Variants in MYH4 observed in about 807,000 individuals in gnomAD.
MYH4 encodes the protein myosin-4.
A neutral mutation model predicts 229.9 loss-of-function variants in MYH4; 200 were observed. The ratio of observed to expected loss-of-function variants is 0.87; its 90% CI spans 0.78 to 0.98. MYH4 has a LOEUF of 0.98. Among genes scored for constraint, MYH4 ranks in the 50% least tolerant of loss-of-function variants. The pLI is 0.00. For synonymous variants in MYH4, 761 were observed against 834.6 expected, an observed-to-expected ratio of 0.91 and a Z score of 1.52; for missense variants, 2,148 against 2,332.6, an observed-to-expected ratio of 0.92 and a Z score of 1.63.
chr17:10,445,250 T>G lies in MYH4; in HGVS notation c.5282A>C (p.Lys1761Thr). ...EARNAEEKAK[K>T]AITDAAMMAE... ...CATCTTGCTTACATCAGTGATGGCC[T>G]TCTTGGCCTTCTCCTCTGCATTGCG... is the stretch of plus-strand genomic sequence containing the variant. The change falls in exon 36 of 40, where the codon AAG becomes ACG. Residue 1761 changes from lysine to threonine, a missense_variant. By Grantham distance (78) the Lys-to-Thr change is moderately conservative (BLOSUM62 -1). Transcript: ENST00000255381. The G allele has an allele frequency of 5.6e-6, 9 of 1,614,198 alleles. No individual in the cohort carries two copies. The highest frequency in any genetic ancestry group is 6.8e-6 in the Non-Finnish European group (8 of 1,180,034).
Position 10,457,500 on chromosome 17 carries a change from T to C in MYH4, c.1817A>G (p.Glu606Gly). The change falls in exon 16 of 40, where the codon GAG (glutamate) becomes GGG (glycine). Residue 606 changes from glutamate to glycine, a missense_variant. Physicochemically the swap from Glu to Gly is moderately conservative, Grantham distance 98 (BLOSUM62 -2). Coordinates refer to ENST00000255381, the MANE Select transcript of MYH4 (RefSeq NM_017533.2). ...WLDKNKDPLN[E>G]TVVGLYQKSA... Reference sequence around the variant, plus strand: ...CTTCTGGTACAGCCCCACCACAGTCTCATTCAGGGGGTCCTTGTTTTTGTC... The same window carrying C: ...CTTCTGGTACAGCCCCACCACAGTCCCATTCAGGGGGTCCTTGTTTTTGTC... The C allele has an allele frequency of 6.2e-6, 10 of 1,614,216 alleles. No homozygotes were observed. The highest frequency in any genetic ancestry group is 7.6e-6 in the Non-Finnish European group (9 of 1,180,036).
At chr17:10,466,173 A>G in intron 4 of MYH4, 100 bp downstream of exon 4, 1 of 1,372,902 alleles carries the variant, frequency 7.3e-7, no homozygotes, top group African/African-American at 1.4e-5. Context: ...GTCATAAAAG[A>G]ACAGTTCAAT....
chr17:10,463,782 G>T (rs577145381), intron 7 of MYH4, 139 bp from the exon 8 acceptor site: 50 of 654,784 alleles, frequency 7.6e-5, no homozygotes, highest in Admixed American at 1.3e-4. Flanking sequence ...TAAAAAGAAG[G>T]TAAATCGGGA....
At position 10,448,973 on chromosome 17, in the gene MYH4, T is replaced by G. The variant is rs1161129176; in HGVS notation, c.4256A>C (p.Glu1419Ala). ...EAVNSKCASL[E>A]KTKQRLQNEV... is the part of the protein sequence containing the mutation. Reference sequence around the variant, plus strand: ...ATTCTGTAGCCTCTGCTTTGTCTTTTCAAGAGAAGCACATTTGGAATTCAC... The same window carrying G: ...ATTCTGTAGCCTCTGCTTTGTCTTTGCAAGAGAAGCACATTTGGAATTCAC... Residue 1419 changes from glutamate to alanine, a missense_variant, in exon 31 of 40, where the codon GAA (glutamate) becomes GCA (alanine). By Grantham distance (107) the Glu-to-Ala change is moderately radical. Transcript: ENST00000255381. 27 of 1,614,142 alleles carry G rather than the reference T, an allele frequency of 1.7e-5. No homozygotes were observed. Among genetic ancestry groups the G allele is most frequent in the Non-Finnish European group, 2.3e-5 (27 of 1,180,002 alleles).
rs888337418 is a variant in MYH4 at position 10,455,218 on chromosome 17, C to A, written c.2252G>T (p.Gly751Val). The change falls in exon 20 of 40, where the codon GGG becomes GTG. Residue 751 changes from glycine to valine, a missense_variant. By Grantham distance (109) the Gly-to-Val change is moderately radical. Transcript: ENST00000255381. ...DSKKASEKLL[G>V]SIEIDHTQYK... ...CTGGGTGTGGTCAATTTCAATAGAC[C>A]CTAGAAGTTTCTCAGAAGCCTTCTT... 1 of 1,613,904 alleles carries A rather than the reference C, an allele frequency of 6.2e-7. No individual in the cohort carries two copies.
intron 29 of MYH4, 38 bp downstream of exon 29, chr17:10,450,739 G>T: frequency 6.2e-7 from 1 of 1,609,656 alleles, no homozygotes; most frequent in Non-Finnish European, 8.5e-7. Context: ...ATGTTGCACG[G>T]TTCAAGTGAT....
In MYH4 at chr17:10,455,870, C is replaced by T. The variant is rs569210501; in HGVS notation, c.2000G>A (p.Arg667Lys). Reference sequence around the variant, plus strand: ...CCGCACAAAGTGGGGGTGAGTGCTCCTCAAGTTGGTCATCAGCTTATTCAA... The same window carrying T: ...CCGCACAAAGTGGGGGTGAGTGCTCTTCAAGTTGGTCATCAGCTTATTCAA... Reference protein sequence around the residue: ...ENLNKLMTNLRSTHPHFVRCI... With the variant: ...ENLNKLMTNLKSTHPHFVRCI... The change falls in exon 18 of 40, where the codon AGG (arginine) becomes AAG (lysine). Residue 667 changes from arginine (R) to lysine (K), a missense_variant. Coordinates refer to ENST00000255381, the MANE Select transcript of MYH4 (RefSeq NM_017533.2). 10 of 1,614,164 alleles carry T rather than the reference C, an allele frequency of 6.2e-6. No homozygotes were observed. In the African/African-American group the frequency reaches 1.1e-4, roughly 17 times the overall value.
chr17:10,467,443 G>A (rs2072779142), intron 2 of MYH4, among the ~76,000 whole-genome samples: 1 of 152,104 alleles, frequency 6.6e-6, no homozygotes, highest in African/African-American at 2.4e-5. Context: ...ATATAATTTT[G>A]CCCTAAGTTA....
chr17:10,464,396 T>C, intron 7 of MYH4, 76 bp downstream of exon 7: 1 of 1,227,128 alleles, frequency 8.1e-7, no homozygotes, highest in Non-Finnish European at 1.2e-6. Context: ...ATTTTCTGTA[T>C]ACAGTCTACT....
At chr17:10,466,235 G>T (rs774614934) in intron 4 of MYH4, 38 bp downstream of exon 4, 1 of 1,608,798 alleles carries the variant, frequency 6.2e-7, no homozygotes, top group South Asian at 1.1e-5. Context: ...TGTGTAGAAT[G>T]TGGAGTGAGT....
At position 10,450,497 on chromosome 17, in the gene MYH4, G is replaced by T. The variant is rs375911403; in HGVS notation, c.4137C>A (p.Tyr1379Ter). Reference sequence around the variant, plus strand: ...CTGTGCGCTGGATGGCGTCCGTCTCGTACTTGGTCCTCCACTGGGCAACCT... The same window carrying T: ...CTGTGCGCTGGATGGCGTCCGTCTCTTACTTGGTCCTCCACTGGGCAACCT... The part of the protein sequence containing the change: ...NSEVAQWRTK[Y>*]ETDAIQRTEE... The change falls in exon 30 of 40, where the codon TAC becomes TAA. Residue 1379 changes from tyrosine (Y) to a stop codon, truncating the protein, a stop_gained. Coordinates refer to ENST00000255381, the MANE Select transcript of MYH4 (RefSeq NM_017533.2). LOFTEE classifies it high-confidence loss of function. 11 of 1,613,862 alleles carry T rather than the reference G, an allele frequency of 6.8e-6. No individual in the cohort carries two copies. Among genetic ancestry groups the T allele is most frequent in the Non-Finnish European group, 7.6e-6 (9 of 1,179,950 alleles).
In MYH4 at chr17:10,464,492, G is replaced by T. The variant is rs1310272773; in HGVS notation, c.628C>A (p.Pro210Thr). The change falls in exon 7 of 40, where the codon CCT (proline) becomes ACT (threonine). Residue 210 changes from proline (P) to threonine (T), a missense_variant. Coordinates refer to ENST00000255381, the MANE Select transcript of MYH4 (RefSeq NM_017533.2). The part of the protein sequence containing the change: ...AVTGEKKKEE[P>T]ASGKMQGTLE... ...CCCACCTGCATTTTGCCAGAGGCAG[G>T]TTCCTCTTTTTTCTTCTCTCCAGTA... The T allele has an allele frequency of 1.9e-6, 3 of 1,613,472 alleles. No individual in the cohort carries two copies. The highest frequency in any genetic ancestry group is 1.3e-5 in the African/African-American group (1 of 74,846).
intron 27 of MYH4, 46 bp from the exon 28 acceptor site, chr17:10,451,498 C>T (rs747089965): frequency 6.3e-7 from 1 of 1,586,172 alleles, no homozygotes; most frequent in Admixed American, 1.8e-5. Context: ...CATTTTTATT[C>T]TAGAGGCTGG....
Position 10,453,391 on chromosome 17 carries a change from ATGC to A in MYH4, c.2935-66_2935-64del, listed in dbSNP as rs2072600118. Reference sequence around the variant, plus strand: ...ACGTATTATCTTGATGAAAAACATGATGCTGTAGTATCTTAGGATAATGTCAGC... The same window carrying A: ...ACGTATTATCTTGATGAAAAACATGATGTAGTATCTTAGGATAATGTCAGC... On this transcript the variant is annotated intron_variant, in intron 23 of 39. Transcript: ENST00000255381. 3.7e-6 allele frequency: 6 copies of A among 1,611,198 alleles called. No individual in the cohort carries two copies. In the South Asian group the frequency reaches 6.6e-5, roughly 18 times the overall value.
At position 10,465,565 on chromosome 17, in the gene MYH4, G is replaced by T; in HGVS notation, c.382C>A (p.Pro128Thr). 1.9e-6 allele frequency: 3 copies of T among 1,614,132 alleles called. No individual in the cohort carries two copies. Among genetic ancestry groups the T allele is most frequent in the Non-Finnish European group, 2.5e-6 (3 of 1,180,030 alleles). Residue 128 changes from proline to threonine, a missense_variant, in exon 5 of 40, where the codon CCC (proline) becomes ACC (threonine). Transcript: ENST00000255381. Reference sequence around the variant, plus strand: ...TTGTACACCGGCAGCCACTTGTAGGGGTTGACGGTGACACAGAAGAGGCCC... The same window carrying T: ...TTGTACACCGGCAGCCACTTGTAGGTGTTGACGGTGACACAGAAGAGGCCC... Reference protein sequence around the residue: ...YSGLFCVTVNPYKWLPVYNPE... With the variant: ...YSGLFCVTVNTYKWLPVYNPE...
rs745501003 is a variant in MYH4, at chr17:10,450,863, C to A, written c.3898G>T (p.Ala1300Ser). 1 of 1,614,026 alleles carries A rather than the reference C, an allele frequency of 6.2e-7. No homozygotes were observed. The highest frequency in any genetic ancestry group is 1.1e-5 in the South Asian group (1 of 91,076). ...EFSRQLDEKD[A>S]MVSQLSRGKQ... ...CCTCGGGATAGCTGAGAAACCATAG[C>A]ATCTTTTTCATCTAGCTGTCGTGAA... The change falls in exon 29 of 40, where the codon GCT becomes TCT. Residue 1300 changes from alanine (A) to serine (S), a missense_variant. Ala to Ser is a moderately conservative substitution (Grantham distance 99). Transcript: ENST00000255381.
chr17:10,443,264 T>A (rs1007884299), downstream of MYH4: 1 of 1,194,958 alleles, frequency 8.4e-7, no homozygotes, highest in Admixed American at 2.2e-5. The surrounding 1 kb of genome is among the most constrained non-coding windows in gnomAD (Gnocchi z 4.6). Flanking sequence ...ACAAATGTAT[T>A]TTTAGATGCA....
At chr17:10,452,689 A>G in intron 25 of MYH4, 98 bp downstream of exon 25, 1 of 1,394,798 alleles carries the variant, frequency 7.2e-7, no homozygotes, top group Non-Finnish European at 9.7e-7. Flanking sequence ...ATTTTTTTCC[A>G]TATGTCATGA....
rs2072696761 is a variant in MYH4 at position 10,461,059 on chromosome 17, CA to C, written c.1009-6del. 6.2e-7 allele frequency: 1 copy of C among 1,613,818 alleles called. No homozygotes were observed. The highest frequency in any genetic ancestry group is 8.5e-7 in the Non-Finnish European group (1 of 1,179,806). On this transcript the variant is annotated splice_region_variant and splice_polypyrimidine_tract_variant and intron_variant, in intron 11 of 39. Transcript: ENST00000255381. ...ACCCAGGATGTCCACAGCACTCTGT[CA>C]AAAGAGTTGAATTTGCTCATCCCCA...
Sources: gnomAD v4.1 joint callset for allele counts (sites outside exome capture counted in the v4.1 genomes callset) on GRCh38, gnomAD v4.1.1 for gene constraint, Gnocchi (gnomAD v3.1) non-coding constraint, MANE v1.5 for transcripts, NCBI Gene and HGNC (gene_info 2026-07-23, HGNC 2026-07-21) for gene names.